LTA4H: variants seen among roughly 807,000 people sequenced by gnomAD.
LTA4H encodes leukotriene A4 hydrolase, also known as leukotriene A-4 hydrolase.
A neutral mutation model predicts 89.8 loss-of-function variants in LTA4H; 59 were observed. That is an observed-to-expected ratio of 0.66 (90% CI 0.53 to 0.82). The LOEUF (loss-of-function observed/expected upper bound fraction) is 0.82. LTA4H is among the 40% of genes least tolerant of loss of function. The probability of loss-of-function intolerance (pLI) is 0.00; values close to 1 mark genes in which losing one functional copy is unlikely to be tolerated. For missense variants in LTA4H, 617 were observed against 727.0 expected (o/e 0.85, Z 1.74); for synonymous variants, 227 against 253.1 (o/e 0.90, Z 0.98).
Position 96,028,303 on chromosome 12 carries a change from T to C in LTA4H, c.291-739A>G, listed in dbSNP as rs116131595. Among the ~76,000 whole-genome samples the C allele has an allele frequency of 1.1e-3, 168 of 152,290 alleles. 1 individual carries two copies. Among genetic ancestry groups the C allele is most frequent in the African/African-American group, 3.3e-3 (136 of 41,556 alleles). On this transcript the variant is annotated intron_variant, in intron 2 of 18. Transcript: ENST00000228740. ...TTGGGGAAATTATTTGACCTCCCTA[T>C]GCCACAGTTTCCTTGTAGAATGGGG...
Position 96,035,397 on chromosome 12 carries a change from G to A in LTA4H, c.123C>T (p.Leu41=), listed in dbSNP as rs780882827. The change falls in exon 1 of 19, where the codon CTC becomes CTT. Residue 41 remains leucine, a synonymous_variant. Coordinates refer to ENST00000228740, the MANE Select transcript of LTA4H (RefSeq NM_000895.3). ...TRRTLTGTAA[L]TVQSQEDNLR... Reference sequence around the variant, plus strand: ...GATTGTCCTCCTGAGACTGGACCGTGAGAGCAGCAGTCCCGGTCAGCGTCC... The same window carrying A: ...GATTGTCCTCCTGAGACTGGACCGTAAGAGCAGCAGTCCCGGTCAGCGTCC... The A allele has an allele frequency of 6.2e-7, 1 of 1,611,728 alleles. No homozygotes were observed. The highest frequency in any genetic ancestry group is 8.5e-7 in the Non-Finnish European group (1 of 1,179,070).
chr12:96,038,720 C>A (rs1041102587), upstream of LTA4H, among the ~76,000 whole-genome samples: 1 of 150,052 alleles, frequency 6.7e-6, no homozygotes, highest in African/African-American at 2.5e-5. Flanking sequence ...GTGACAAATA[C>A]AATAGATAAC....
intron 14 of LTA4H, chr12:96,010,791 T>C (rs1000078275): frequency 6.6e-6 from 1 of 152,226 alleles, no homozygotes; most frequent in African/African-American, 2.4e-5. Context: ...CAGATACAAG[T>C]GCACAGTTTG....
intron 6 of LTA4H, chr12:96,020,823 G>T (rs1413162631): frequency 1.1e-5 from 4 of 355,282 alleles, no homozygotes; most frequent in African/African-American, 2.2e-5. Flanking sequence ...AGAGTGACTT[G>T]TTCAAGCTTA....
chr12:96,026,810 G>C (rs776341239), intron 3 of LTA4H, among the ~76,000 whole-genome samples: 1 of 152,098 alleles, frequency 6.6e-6, no homozygotes, highest in Non-Finnish European at 1.5e-5. Context: ...ATGAAAAGTA[G>C]GTATTTTTTC....
At chr12:96,032,872 C>G (rs1336920614) in intron 1 of LTA4H, among the ~76,000 whole-genome samples, 1 of 152,066 alleles carries the variant, frequency 6.6e-6, no homozygotes, top group South Asian at 2.1e-4. Context: ...ACTTATAGAA[C>G]AGAGATAAAG....
intron 11 of LTA4H, 82 bp downstream of exon 11, chr12:96,015,501 A>T: frequency 1.0e-6 from 1 of 966,122 alleles, no homozygotes; most frequent in East Asian, 2.4e-5. Context: ...GTTGCTACAC[A>T]GTAAAGACGC....
At position 96,019,160 on chromosome 12, in the gene LTA4H, T is replaced by C. The variant is rs1286400716; in HGVS notation, c.711+8A>G. ...ACAATGATTACAAAGGATAACTAAA[T>C]GACCAACCTCAGAAAACTCATAAGC... On this transcript the variant is annotated splice_region_variant and intron_variant, in intron 7 of 18. Coordinates refer to ENST00000228740, the MANE Select transcript of LTA4H (RefSeq NM_000895.3). 1 of 1,608,624 alleles carries C rather than the reference T, an allele frequency of 6.2e-7. No homozygotes were observed. Among genetic ancestry groups the C allele is most frequent in the Non-Finnish European group, 8.5e-7 (1 of 1,178,040 alleles).
rs754154743 is a variant in LTA4H, at chr12:96,006,409, C to T, written c.1435G>A (p.Ala479Thr). ...AATGAATTTAAATCATCTTCTTTGGCCTGAAATAAATGTTACCTAGTTATT... is the reference window on the plus strand; with the variant it reads ...AATGAATTTAAATCATCTTCTTTGGTCTGAAATAAATGTTACCTAGTTATT... Reference protein sequence around the residue: ...CIALSQRWITAKEDDLNSFNA... With the variant: ...CIALSQRWITTKEDDLNSFNA... The change falls in exon 16 of 19, where the codon GCC becomes ACC. Residue 479 changes from alanine (A) to threonine (T), a missense_variant and splice_region_variant. Coordinates refer to ENST00000228740, the MANE Select transcript of LTA4H (RefSeq NM_000895.3). 1.9e-6 allele frequency: 3 copies of T among 1,587,280 alleles called. No homozygotes were observed. The highest frequency in any genetic ancestry group is 1.7e-5 in the Admixed American group (1 of 59,298).
intron 10 of LTA4H, among the ~76,000 whole-genome samples, chr12:96,016,087 G>C (rs183877161): frequency 1.3e-5 from 2 of 152,238 alleles, no homozygotes; most frequent in Non-Finnish European, 2.9e-5. Context: ...GCCGAGGCGG[G>C]AGAATTATCT....
chr12:96,042,754 C>T (rs1566022344), intron 1 of LTA4H, among the ~76,000 whole-genome samples: 1 of 152,240 alleles, frequency 6.6e-6, no homozygotes, highest in Non-Finnish European at 1.5e-5. Flanking sequence ...GGTCCCTATT[C>T]CTGTAACCGG....
intron 16 of LTA4H, 30 bp from the exon 17 acceptor site, chr12:96,003,950 T>C (rs1345974855): frequency 7.3e-7 from 1 of 1,369,258 alleles, no homozygotes; most frequent in Non-Finnish European, 1.0e-6. Context: ...GTATACCGTA[T>C]CATTTCAACA....
At chr12:96,005,216 T>C (rs762899078) in intron 16 of LTA4H, among the ~76,000 whole-genome samples, 1 of 152,082 alleles carries the variant, frequency 6.6e-6, no homozygotes, top group Non-Finnish European at 1.5e-5. Context: ...TCAACCCCTA[T>C]AGCCAGTCAG....
In LTA4H at chr12:96,002,995, T is replaced by C. The variant is rs1377005986; in HGVS notation, c.1683A>G (p.Glu561=). ...AIPLALKMAT[E]QGRMKFTRPL... ...GCCGGGTAAACTTCATTCTTCCTTG[T>C]TCAGTTGCCATCTTTAGCGCCAAAG... The change falls in exon 18 of 19, where the codon GAA becomes GAG. Residue 561 remains glutamate (E), a synonymous_variant. Coordinates refer to ENST00000228740, the MANE Select transcript of LTA4H (RefSeq NM_000895.3). The C allele has an allele frequency of 6.2e-7, 1 of 1,605,296 alleles. No homozygotes were observed. The highest frequency in any genetic ancestry group is 8.5e-7 in the Non-Finnish European group (1 of 1,175,450).
At chr12:96,027,630 T>C (rs1950527347) in intron 2 of LTA4H, 66 bp from the exon 3 acceptor site, 1 of 967,328 alleles carries the variant, frequency 1.0e-6, no homozygotes. Context: ...AAACTCATAA[T>C]ACATACACTG....
intron 5 of LTA4H, among the ~76,000 whole-genome samples, chr12:96,021,769 C>T (rs1197230200): frequency 1.3e-5 from 2 of 152,024 alleles, no homozygotes; most frequent in East Asian, 3.9e-4. Context: ...AGGACTGTAA[C>T]TGAGTGCTTT....
intron 18 of LTA4H, among the ~76,000 whole-genome samples, chr12:96,002,560 C>T (rs997533106): frequency 2.6e-5 from 4 of 152,036 alleles, no homozygotes; most frequent in Non-Finnish European, 5.9e-5. Context: ...CTACCCTTGA[C>T]CTCTATGCAA....
intron 14 of LTA4H, 148 bp downstream of exon 14, chr12:96,013,040 C>A (rs1950326194): frequency 9.1e-6 from 5 of 551,768 alleles, no homozygotes; most frequent in Non-Finnish European, 9.8e-6. Context: ...TTCTTTTGGC[C>A]TCAGGGTTAA....
chr12:96,007,893 G>T (rs1409223383), intron 15 of LTA4H, among the ~76,000 whole-genome samples: 1 of 151,696 alleles, frequency 6.6e-6, no homozygotes, highest in African/African-American at 2.4e-5. Context: ...CACAAAACAG[G>T]TTTTAAAAGG....
Sources: allele counts gnomAD v4.1 joint callset (sites outside exome capture counted in the v4.1 genomes callset), GRCh38; gene constraint gnomAD v4.1.1; transcripts MANE v1.5; gene names NCBI Gene and HGNC (gene_info 2026-07-23, HGNC 2026-07-21).